PHF19: variants seen among roughly 807,000 people sequenced by gnomAD.
PHF19 encodes the protein PHD finger protein 19.
PHF19 carries 21 observed loss-of-function variants against 79.8 expected under a neutral mutation model. That is an observed-to-expected ratio of 0.26 (90% CI 0.19 to 0.38). The LOEUF is 0.38. PHF19 is among the 10% of genes least tolerant of loss of function. The pLI is 1.00. For missense variants in PHF19, 445 were observed against 744.2 expected (o/e 0.60, Z 4.68); for synonymous variants, 273 against 296.3 (o/e 0.92, Z 0.81).
At chr9:120,873,877 G>T (rs2045973458) in intron 3 of PHF19, 102 bp downstream of exon 3, 2 of 699,648 alleles carry the variant, frequency 2.9e-6, no homozygotes, top group African/African-American at 1.8e-5. Flanking sequence ...AAGGGCAGAT[G>T]CCAGGAGTAA....
chr9:120,869,069 C>T lies in PHF19; in HGVS notation c.614+113G>A, dbSNP rs1429716127. 2 of 1,246,722 alleles carry T rather than the reference C, an allele frequency of 1.6e-6. No homozygotes were observed. Among genetic ancestry groups the T allele is most frequent in the Non-Finnish European group, 2.1e-6 (2 of 931,030 alleles). 77.2% of individuals were successfully genotyped at this position (1,246,722 alleles called of 1,614,324 possible). A position where few individuals can be genotyped will look rare whatever the true frequency, so the allele number is the denominator to read the frequency against. ...CACAGCGCAACACACTGGGCCCGCC[C>T]TCAAGGTCCCCGCCTTGGCTGACAC... On this transcript the variant is annotated intron_variant, in intron 6 of 14. Coordinates refer to ENST00000373896, the MANE Select transcript of PHF19 (RefSeq NM_015651.3). The surrounding 1 kb of genome is among the most constrained non-coding windows in gnomAD (Gnocchi z 5.8).
chr9:120,874,798 C>A lies in PHF19; in HGVS notation c.-15-42G>T. ...AGGGTTTTTGCTTCTTGCTTCCCTG[C>A]TTCAGAAAGCCCATCAGGGGAAGGA... On this transcript the variant is annotated intron_variant, in intron 1 of 14. Coordinates refer to ENST00000373896, the MANE Select transcript of PHF19 (RefSeq NM_015651.3). The surrounding 1 kb of genome is among the most constrained non-coding windows in gnomAD (Gnocchi z 4.5). 1 of 1,332,890 alleles carries A rather than the reference C, an allele frequency of 7.5e-7. No homozygotes were observed. The allele number at this position is 1,332,890 out of a possible 1,614,324, so 82.6% of individuals were successfully genotyped here.
chr9:120,879,499 G>T (rs983078863), upstream of PHF19, among the ~76,000 whole-genome samples: 1 of 152,202 alleles, frequency 6.6e-6, no homozygotes, highest in Admixed American at 6.5e-5. Flanking sequence ...TTCTTTATCG[G>T]TTGAAAAGAG....
chr9:120,897,219 G>A (rs2046410380), upstream of PHF19, among the ~76,000 whole-genome samples: 1 of 152,260 alleles, frequency 6.6e-6, no homozygotes, highest in African/African-American at 2.4e-5. Context: ...GGCAGTCCTG[G>A]GGCTGGCCCA....
In PHF19 at chr9:120,869,019, GGCCCGCCCCTCGAGGCCCCGCCCCCACA is replaced by G; in HGVS notation, c.614+135_614+162del. 1 of 266,778 alleles carries G rather than the reference GGCCCGCCCCTCGAGGCCCCGCCCCCACA, an allele frequency of 3.7e-6. No individual in the cohort carries two copies. Among genetic ancestry groups the G allele is most frequent in the East Asian group, 3.0e-4 (1 of 3,302 alleles). 16.5% of individuals were successfully genotyped at this position (266,778 alleles called of 1,614,324 possible). A position where few individuals can be genotyped will look rare whatever the true frequency, so the allele number is the denominator to read the frequency against. On this transcript the variant is annotated intron_variant, in intron 6 of 14. Transcript: ENST00000373896. This position sits in a 1 kb window ranked among gnomAD's most constrained non-coding sequence, Gnocchi z 5.8. The stretch of plus-strand genomic sequence containing the variant: ...CCCCACCCCCGCGGCTGACACTCCA[GGCCCGCCCCTCGAGGCCCCGCCCCCACA>G]GCGCAACACACTGGGCCCGCCCTCA...
chr9:120,887,641 CACACACACACAG>C (rs371693206), intron 1 of PHF19, among the ~76,000 whole-genome samples: 47,116 of 124,252 alleles, frequency 0.38, 8,144 homozygotes, highest in Middle Eastern at 0.61. Flanking sequence ...CACACACACA[CACACACACACAG>C]ACACACACAC....
chr9:120,894,031 C>G (rs1042563713), intron 1 of PHF19, among the ~76,000 whole-genome samples: 5 of 152,168 alleles, frequency 3.3e-5, no homozygotes, highest in African/African-American at 1.2e-4. Flanking sequence ...TTTTCACAAG[C>G]CCAGGGGTGA....
chr9:120,874,071 G>A lies in PHF19; in HGVS notation c.187-11C>T. On this transcript the variant is annotated splice_polypyrimidine_tract_variant and intron_variant, in intron 2 of 14. Transcript: ENST00000373896. This position sits in a 1 kb window ranked among gnomAD's most constrained non-coding sequence, Gnocchi z 4.5. ...CTTAGAGCTGCTGACCTGGGGTACAGATAGGAAGGAGCAAGTGAGAAAGGG... is the reference window on the plus strand; with the variant it reads ...CTTAGAGCTGCTGACCTGGGGTACAAATAGGAAGGAGCAAGTGAGAAAGGG... The A allele has an allele frequency of 6.6e-7, 1 of 1,526,202 alleles. No homozygotes were observed. The highest frequency in any genetic ancestry group is 9.1e-7 in the Non-Finnish European group (1 of 1,104,928). The allele number at this position is 1,526,202 out of a possible 1,614,324, so 94.5% of individuals were successfully genotyped here.
Position 120,860,048 on chromosome 9 carries a change from G to T in PHF19, c.1400+42C>A. ...AGGTGGAGGGGCTGAGAGGAATGAT[G>T]GTCCTTGCAAAATGTGAAGGCCAGA... On this transcript the variant is annotated intron_variant, in intron 14 of 14. Coordinates refer to ENST00000373896, the MANE Select transcript of PHF19 (RefSeq NM_015651.3). This position sits in a 1 kb window ranked among gnomAD's most constrained non-coding sequence, Gnocchi z 4.1. 1 of 990,722 alleles carries T rather than the reference G, an allele frequency of 1.0e-6. No homozygotes were observed. Among genetic ancestry groups the T allele is most frequent in the East Asian group, 2.6e-5 (1 of 38,830 alleles). The allele number at this position is 990,722 out of a possible 1,614,324, so 61.4% of individuals were successfully genotyped here.
intron 1 of PHF19, among the ~76,000 whole-genome samples, chr9:120,882,688 A>T (rs2046203697): frequency 6.6e-6 from 1 of 152,156 alleles, no homozygotes; most frequent in Non-Finnish European, 1.5e-5. Context: ...CTAAAAATAC[A>T]AAAATTAGTC....
At chr9:120,884,681 G>T (rs2046238646) in intron 1 of PHF19, among the ~76,000 whole-genome samples, 1 of 151,910 alleles carries the variant, frequency 6.6e-6, no homozygotes, top group Admixed American at 6.6e-5. Flanking sequence ...GCTGAGGTGG[G>T]CGGATCACCA....
At chr9:120,899,468 C>G (rs1203729237), upstream of PHF19, among the ~76,000 whole-genome samples, 2 of 151,242 alleles carry the variant, frequency 1.3e-5, no homozygotes, top group Non-Finnish European at 3.0e-5. Context: ...TGCACTCCAG[C>G]CTGGGCGACA....
Position 120,869,371 on chromosome 9 carries a change from G to A in PHF19, c.466-41C>T, listed in dbSNP as rs1335799934. The A allele has an allele frequency of 1.9e-6, 3 of 1,596,662 alleles. No individual in the cohort carries two copies. Among genetic ancestry groups the A allele is most frequent in the South Asian group, 2.3e-5 (2 of 88,742 alleles). ...GGCCCCAGTCAACCACCAGGTCCGG[G>A]TGGACCACGCGAGTCAGCACGCGGC... On this transcript the variant is annotated intron_variant, in intron 5 of 14. Transcript: ENST00000373896. The surrounding 1 kb of genome is among the most constrained non-coding windows in gnomAD (Gnocchi z 5.8).
intron 1 of PHF19, among the ~76,000 whole-genome samples, chr9:120,889,097 C>T (rs1016417036): frequency 4.6e-5 from 7 of 152,120 alleles, no homozygotes; most frequent in African/African-American, 7.2e-5. Flanking sequence ...TCATAAGTGA[C>T]AGCTAAACCT....
chr9:120,878,863 GT>G (rs1395813892), upstream of PHF19, among the ~76,000 whole-genome samples: 1 of 152,218 alleles, frequency 6.6e-6, no homozygotes. Flanking sequence ...ACTTAACCAT[GT>G]TCTGCCAAGA....
chr9:120,887,962 G>T (rs542345133), intron 1 of PHF19, among the ~76,000 whole-genome samples: 1 of 151,968 alleles, frequency 6.6e-6, no homozygotes, highest in East Asian at 1.9e-4. Context: ...AATGACACGC[G>T]TGCACGTCTC....
In PHF19 at chr9:120,891,575, G is replaced by T. The variant is rs955687778; in HGVS notation, c.42+3213C>A. The stretch of plus-strand genomic sequence containing the variant: ...AGCGCCACCATAATTTACAGCACAC[G>T]ACTCAAGACCCACCCAGCCACTTAG... On this transcript the variant is annotated intron_variant, in intron 1 of 14. Transcript: ENST00000616568. The surrounding 1 kb of genome is among the most constrained non-coding windows in gnomAD (Gnocchi z 4.3). Among the ~76,000 whole-genome samples the T allele has an allele frequency of 2.6e-5, 4 of 152,168 alleles. No homozygotes were observed. The highest frequency in any genetic ancestry group is 5.9e-5 in the Non-Finnish European group (4 of 68,034).
At position 120,869,745 on chromosome 9, in the gene PHF19, G is replaced by A. The variant is rs773649070; in HGVS notation, c.465+100C>T. ...CTATCTGTCTCCAAAGCCCAGGTGT[G>A]GCCCTTCTGCTTGGAGCTCAGACTC... On this transcript the variant is annotated intron_variant, in intron 5 of 14. Transcript: ENST00000373896. This position sits in a 1 kb window ranked among gnomAD's most constrained non-coding sequence, Gnocchi z 5.8. 8 of 1,582,430 alleles carry A rather than the reference G, an allele frequency of 5.1e-6. No homozygotes were observed. The highest frequency in any genetic ancestry group is 1.8e-5 in the Admixed American group (1 of 54,980).
upstream of PHF19, among the ~76,000 whole-genome samples, chr9:120,879,115 G>A (rs560354517): frequency 1.3e-5 from 2 of 152,028 alleles, no homozygotes; most frequent in Non-Finnish European, 2.9e-5. Flanking sequence ...TTAAGCCTCC[G>A]TGTCCTCACC....
Sources: gnomAD v4.1 joint callset for allele counts (sites outside exome capture counted in the v4.1 genomes callset) on GRCh38, gnomAD v4.1.1 for gene constraint, Gnocchi (gnomAD v3.1) non-coding constraint, MANE v1.5 for transcripts, NCBI Gene and HGNC (gene_info 2026-07-23, HGNC 2026-07-21) for gene names.